CCDC74A: variants seen among roughly 807,000 people sequenced by gnomAD.
CCDC74A encodes the protein coiled-coil domain-containing protein 74A.
A neutral mutation model predicts 37.6 loss-of-function variants in CCDC74A; 38 were observed. The observed-to-expected ratio is 1.01, with a 90% CI of 0.78 to 1.33. CCDC74A has a LOEUF of 1.33. Ranked by LOEUF, CCDC74A falls within the 40% of genes most tolerant of loss-of-function variation. The pLI, the probability that CCDC74A is intolerant of heterozygous loss-of-function variation, is 0.00. For missense variants in CCDC74A, 340 were observed against 403.4 expected, an observed-to-expected ratio of 0.84 and a Z score of 1.35; for synonymous variants, 134 against 165.2, an observed-to-expected ratio of 0.81 and a Z score of 1.45.
chr2:131,532,489 T>C lies in CCDC74A; in HGVS notation c.486-100T>C. On this transcript the variant is annotated intron_variant, in intron 4 of 7. Coordinates refer to ENST00000409856, the MANE Select transcript of CCDC74A (RefSeq NM_001258306.3). ...AGTGGGAGAGGGGAACCAGGCCCTC[T>C]TCCCCACATTGGCCTGGGCGCTGCC... The C allele has an allele frequency of 3.6e-6, 5 of 1,383,642 alleles. No homozygotes were observed. In the South Asian group the frequency reaches 5.6e-5, roughly 15 times the overall value. 85.7% of individuals were successfully genotyped at this position (1,383,642 alleles called of 1,614,324 possible). A position where few individuals can be genotyped will look rare whatever the true frequency, so the allele number is the denominator to read the frequency against.
At chr2:131,525,711 C>CTTTTTTTTTTTTTTT (rs58721770), upstream of CCDC74A, among the ~76,000 whole-genome samples, 16 of 63,454 alleles carry the variant, frequency 2.5e-4, 1 homozygote, top group African/African-American at 1.1e-3. Flanking sequence ...CTATGCCTGC[C>CTTTTTTTTTTTTTTT]TTTTTTTTTT....
upstream of CCDC74A, among the ~76,000 whole-genome samples, chr2:131,523,116 G>A (rs955972541): frequency 3.9e-5 from 6 of 152,156 alleles, no homozygotes; most frequent in African/African-American, 1.4e-4. Context: ...GTGTTACCAG[G>A]CTGATCTTGA....
Position 131,532,911 on chromosome 2 carries a change from A to G in CCDC74A, c.726A>G (p.Ala242=). The part of the protein sequence containing the change: ...SLLEGSQRPQ[A]APEEASFPRD... ...TGGAAGGGAGCCAGAGGCCCCAGGC[A>G]GCCCCGGAGGAAGCTAGCTTTCCCA... is the stretch of plus-strand genomic sequence containing the variant. The change falls in exon 6 of 8, where the codon GCA becomes GCG. Residue 242 remains alanine (A), a synonymous_variant. Coordinates refer to ENST00000409856, the MANE Select transcript of CCDC74A (RefSeq NM_001258306.3). The G allele has an allele frequency of 1.2e-6, 2 of 1,613,658 alleles. No individual in the cohort carries two copies. Among genetic ancestry groups the G allele is most frequent in the South Asian group, 2.2e-5 (2 of 91,080 alleles).
chr2:131,526,422 C>T (rs745823413), upstream of CCDC74A, among the ~76,000 whole-genome samples: 7 of 152,222 alleles, frequency 4.6e-5, no homozygotes, highest in Non-Finnish European at 8.8e-5. Flanking sequence ...GCTGGGATTA[C>T]AGACATGAGC....
upstream of CCDC74A, among the ~76,000 whole-genome samples, chr2:131,524,181 T>C (rs564911905): frequency 9.9e-4 from 150 of 152,246 alleles, 4 homozygotes; most frequent in East Asian, 0.023. Context: ...GCCAGTGACT[T>C]GGACACCTTC....
upstream of CCDC74A, among the ~76,000 whole-genome samples, chr2:131,525,711 CTT>C (rs58721770): frequency 3.2e-4 from 20 of 63,450 alleles, no homozygotes; most frequent in South Asian, 4.4e-3. Context: ...CTATGCCTGC[CTT>C]TTTTTTTTTT....
intron 3 of CCDC74A, 91 bp downstream of exon 3, chr2:131,530,918 C>T: frequency 6.5e-7 from 1 of 1,549,826 alleles, no homozygotes; most frequent in Non-Finnish European, 8.7e-7. Context: ...ACCAGGCGCC[C>T]TCTGCTGGGC....
At chr2:131,528,636 T>C (rs1324436612) in intron 1 of CCDC74A, 18 of 638,236 alleles carry the variant, frequency 2.8e-5, no homozygotes, top group Middle Eastern at 7.9e-4. Context: ...CGGTGAAATC[T>C]CGTCTCTACT....
At position 131,533,415 on chromosome 2, in the gene CCDC74A, C is replaced by T; in HGVS notation, c.*17C>T. On this transcript the variant is annotated 3_prime_UTR_variant, in exon 8 of 8. Transcript: ENST00000409856. ...GTGCTTTGAGCCACCCCAATCTGGTCAGTGCCAGGCCCACCAACCTGCAGC... is the reference window on the plus strand; with the variant it reads ...GTGCTTTGAGCCACCCCAATCTGGTTAGTGCCAGGCCCACCAACCTGCAGC... 1.2e-6 allele frequency: 2 copies of T among 1,611,790 alleles called. No homozygotes were observed. The highest frequency in any genetic ancestry group is 1.7e-6 in the Non-Finnish European group (2 of 1,178,836).
At position 131,530,003 on chromosome 2, in the gene CCDC74A, C is replaced by T. The variant is rs567231119; in HGVS notation, c.295+312C>T. 43 of 1,548,788 alleles carry T rather than the reference C, an allele frequency of 2.8e-5. No homozygotes were observed. In the African/African-American group the frequency reaches 5.1e-4, roughly 18 times the overall value. On this transcript the variant is annotated intron_variant, in intron 2 of 7. Coordinates refer to ENST00000409856, the MANE Select transcript of CCDC74A (RefSeq NM_001258306.3). Reference sequence around the variant, plus strand: ...ATGGGAAGGAACCCCTGGGACAGCCCCTGCCCTGCTAGATCTTTGCCTCAG... The same window carrying T: ...ATGGGAAGGAACCCCTGGGACAGCCTCTGCCCTGCTAGATCTTTGCCTCAG...
intron 1 of CCDC74A, 94 bp from the exon 2 acceptor site, chr2:131,529,553 T>C (rs189269221): frequency 9.1e-5 from 142 of 1,555,052 alleles, no homozygotes; most frequent in South Asian, 4.2e-4. Context: ...GCAGGACTTT[T>C]GGGCTCAGCA....
At chr2:131,525,016 C>G (rs1373234855), upstream of CCDC74A, among the ~76,000 whole-genome samples, 10 of 151,586 alleles carry the variant, frequency 6.6e-5, no homozygotes, top group East Asian at 1.9e-3. Flanking sequence ...GAGCTATAAT[C>G]GCACCACTGC....
At chr2:131,529,537 G>C (rs148172431) in intron 1 of CCDC74A, 110 bp from the exon 2 acceptor site, 4 of 1,438,180 alleles carry the variant, frequency 2.8e-6, no homozygotes, top group Admixed American at 3.4e-5. Flanking sequence ...ATCAGCCAGT[G>C]GGGGGGCAGG....
upstream of CCDC74A, among the ~76,000 whole-genome samples, chr2:131,523,057 A>T (rs62178994): frequency 6.6e-6 from 1 of 152,064 alleles, no homozygotes; most frequent in Non-Finnish European, 1.5e-5. Flanking sequence ...GGCATGCGCC[A>T]CCGCACCCTG....
chr2:131,524,851 A>G (rs576818752), upstream of CCDC74A, among the ~76,000 whole-genome samples: 4 of 144,556 alleles, frequency 2.8e-5, no homozygotes, highest in Admixed American at 2.9e-4. Context: ...GCCTCAGTCC[A>G]GGAGTTTGAG....
chr2:131,528,061 G>A lies in CCDC74A; in HGVS notation c.91G>A (p.Val31Ile), dbSNP rs370009326. Reference sequence around the variant, plus strand: ...CCGGCGCCAGCGCCCCTCTGTGGGCGTCCAGTCCTTGAGGCCGCAGAGCCC... The same window carrying A: ...CCGGCGCCAGCGCCCCTCTGTGGGCATCCAGTCCTTGAGGCCGCAGAGCCC... ...RRRRQRPSVG[V>I]QSLRPQSPQL... is the part of the protein sequence containing the mutation. The change falls in exon 1 of 8, where the codon GTC (valine) becomes ATC (isoleucine). Residue 31 changes from valine (V) to isoleucine (I), a missense_variant. Transcript: ENST00000409856. The A allele has an allele frequency of 1.0e-5, 16 of 1,576,326 alleles. No homozygotes were observed. The highest frequency in any genetic ancestry group is 1.4e-5 in the Non-Finnish European group (16 of 1,167,598).
At position 131,532,844 on chromosome 2, in the gene CCDC74A, C is replaced by G; in HGVS notation, c.679-20C>G. Reference sequence around the variant, plus strand: ...TGGCACCGCCACAGGCCCCACCATGCCCCTGCCCCTGCCTTTCAGCTGCGG... The same window carrying G: ...TGGCACCGCCACAGGCCCCACCATGGCCCTGCCCCTGCCTTTCAGCTGCGG... On this transcript the variant is annotated intron_variant, in intron 5 of 7. Coordinates refer to ENST00000409856, the MANE Select transcript of CCDC74A (RefSeq NM_001258306.3). 6.2e-7 allele frequency: 1 copy of G among 1,612,686 alleles called. No individual in the cohort carries two copies. The highest frequency in any genetic ancestry group is 8.5e-7 in the Non-Finnish European group (1 of 1,179,172).
At chr2:131,528,719 G>A (rs1680648496) in intron 1 of CCDC74A, 24 of 380,742 alleles carry the variant, frequency 6.3e-5, no homozygotes, top group South Asian at 5.0e-4. Context: ...GCTGAAGCAG[G>A]AGAATGGCGT....
chr2:131,533,237 G>T, intron 7 of CCDC74A, 32 bp from the exon 8 acceptor site: 1 of 1,611,572 alleles, frequency 6.2e-7, no homozygotes, highest in Non-Finnish European at 8.5e-7. Context: ...TCCCGGGGAT[G>T]CTCACGGTGA....
Sources: allele counts gnomAD v4.1 joint callset (sites outside exome capture counted in the v4.1 genomes callset), GRCh38; gene constraint gnomAD v4.1.1; transcripts MANE v1.5; gene names NCBI Gene and HGNC (gene_info 2026-07-23, HGNC 2026-07-21).